CEP250: variants seen among roughly 807,000 people sequenced by gnomAD.
CEP250 encodes the protein centrosome-associated protein CEP250.
In CEP250, 242 loss-of-function variants were observed where a neutral mutation model predicts 315.7. The ratio of observed to expected loss-of-function variants is 0.77; its 90% CI spans 0.69 to 0.85. The LOEUF is 0.85. Ranked by LOEUF, CEP250 falls within the 40% of genes least tolerant of loss-of-function variation. The probability of loss-of-function intolerance (pLI) is 0.00; values close to 1 mark genes in which losing one functional copy is unlikely to be tolerated. For synonymous variants in CEP250, 1,088 were observed against 1,175.0 expected (o/e 0.93, Z 1.51); for missense variants, 2,515 against 2,886.4 (o/e 0.87, Z 2.95).
chr20:35,497,229 A>G (rs1040914143), intron 25 of CEP250, among the ~76,000 whole-genome samples: 7 of 152,294 alleles, frequency 4.6e-5, no homozygotes, highest in East Asian at 3.9e-4. Flanking sequence ...TGGCTGTTCA[A>G]TGGTCTTGAG....
chr20:35,460,568 G>A (rs576635244), intron 3 of CEP250, among the ~76,000 whole-genome samples: 14 of 152,138 alleles, frequency 9.2e-5, no homozygotes, highest in Admixed American at 1.3e-4. Context: ...TGCACGGAGC[G>A]CGTGCCCTGT....
chr20:35,473,285 G>A (rs962664120), intron 12 of CEP250, 89 bp from the exon 13 acceptor site: 30 of 1,171,648 alleles, frequency 2.6e-5, no homozygotes, highest in African/African-American at 2.5e-4. Flanking sequence ...ACCAGCCCCC[G>A]ACCCCCTTCT....
At chr20:35,508,769 A>G (rs2064269739) in intron 32 of CEP250, among the ~76,000 whole-genome samples, 174 bp from the exon 33 acceptor site, 1 of 152,102 alleles carries the variant, frequency 6.6e-6, no homozygotes, top group African/African-American at 2.4e-5. Flanking sequence ...CTTCAGGAGC[A>G]CTTCTTTGCA....
intron 2 of CEP250, among the ~76,000 whole-genome samples, chr20:35,458,930 C>A (rs1210946149): frequency 6.7e-6 from 1 of 149,726 alleles, no homozygotes; most frequent in Admixed American, 6.6e-5. Flanking sequence ...CACCCAGTCT[C>A]CCCTTTTAGT....
At chr20:35,468,054 C>T (rs2062935250) in intron 9 of CEP250, among the ~76,000 whole-genome samples, 1 of 150,586 alleles carries the variant, frequency 6.6e-6, no homozygotes, top group South Asian at 2.1e-4. Flanking sequence ...AAGTGACTCC[C>T]CTGCCTCAGC....
Position 35,500,177 on chromosome 20 carries a change from G to A in CEP250, c.3898+8G>A. The A allele has an allele frequency of 6.2e-7, 1 of 1,613,396 alleles. No homozygotes were observed. On this transcript the variant is annotated splice_region_variant and intron_variant, in intron 28 of 34. Coordinates refer to ENST00000397527, the MANE Select transcript of CEP250 (RefSeq NM_007186.6). ...TCTCCCAGAATCAGGAAGGTGAGAAGCTCAAGACAGGCAGGGAGATTGAGA... is the reference window on the plus strand; with the variant it reads ...TCTCCCAGAATCAGGAAGGTGAGAAACTCAAGACAGGCAGGGAGATTGAGA...
rs763218874 is a variant in CEP250, at chr20:35,503,480, A to G, written c.5111A>G (p.Gln1704Arg). Residue 1704 changes from glutamine to arginine, a missense_variant, in exon 30 of 35, where the codon CAG (glutamine) becomes CGG (arginine). Transcript: ENST00000397527. The surrounding 1 kb of genome is among the most constrained non-coding windows in gnomAD (Gnocchi z 4.2). Reference sequence around the variant, plus strand: ...GGCCGGGAGCTGACCACTCAGAGGCAGCTGATGCAGGAACGGGCAGAGGAA... The same window carrying G: ...GGCCGGGAGCTGACCACTCAGAGGCGGCTGATGCAGGAACGGGCAGAGGAA... ...ERGRELTTQR[Q>R]LMQERAEEGK... 4.3e-6 allele frequency: 7 copies of G among 1,614,166 alleles called. No individual in the cohort carries two copies. In the South Asian group the frequency reaches 5.5e-5, roughly 13 times the overall value.
At chr20:35,481,826 C>T (rs1444633227) in intron 20 of CEP250, among the ~76,000 whole-genome samples, 2 of 152,122 alleles carry the variant, frequency 1.3e-5, no homozygotes. Context: ...CCTCAGCCTC[C>T]CAAGTAGCTG....
chr20:35,494,378 G>A, intron 23 of CEP250, 146 bp from the exon 24 acceptor site: 1 of 1,034,270 alleles, frequency 9.7e-7, no homozygotes, highest in Non-Finnish European at 1.4e-6. Flanking sequence ...TAAGAACAGT[G>A]TGTAGGAATT....
At position 35,478,118 on chromosome 20, in the gene CEP250, G is replaced by T. The variant is rs990418163; in HGVS notation, c.2094+17G>T. The T allele has an allele frequency of 3.3e-6, 5 of 1,521,264 alleles. No individual in the cohort carries two copies. The highest frequency in any genetic ancestry group is 4.6e-6 in the Non-Finnish European group (5 of 1,096,988). The allele number at this position is 1,521,264 out of a possible 1,614,324, so 94.2% of individuals were successfully genotyped here. A position where few individuals can be genotyped will look rare whatever the true frequency, so the allele number is the denominator to read the frequency against. On this transcript the variant is annotated intron_variant, in intron 17 of 34. Transcript: ENST00000397527. ...CTAAGTGAGGTGAGAAGCCAAAATG[G>T]ACACCATCATGTCTAGGTGTAATAT...
rs2146801367 is a variant in CEP250, at chr20:35,473,995, G to A, written c.1514G>A (p.Gly505Asp). The change falls in exon 14 of 35, where the codon GGC (glycine) becomes GAC (aspartate). Residue 505 changes from glycine to aspartate, a missense_variant. Coordinates refer to ENST00000397527, the MANE Select transcript of CEP250 (RefSeq NM_007186.6). The stretch of plus-strand genomic sequence containing the variant: ...CAGCTGCAGGGGGACTCTGCCCAGG[G>A]CCAGAAGGAGGAACAGCAGGAGGAG... ...ELQLQGDSAQ[G>D]QKEEQQEELH... is the part of the protein sequence containing the mutation. 5 of 1,603,782 alleles carry A rather than the reference G, an allele frequency of 3.1e-6. No homozygotes were observed. The highest frequency in any genetic ancestry group is 3.4e-6 in the Non-Finnish European group (4 of 1,176,680).
At chr20:35,458,647 A>G (rs1056404160) in intron 2 of CEP250, among the ~76,000 whole-genome samples, 2 of 152,116 alleles carry the variant, frequency 1.3e-5, no homozygotes, top group African/African-American at 4.8e-5. Flanking sequence ...GGGCTCTGCT[A>G]GTTTATTCCT....
chr20:35,502,431 A>G lies in CEP250; in HGVS notation c.4062A>G (p.Thr1354=). Residue 1354 remains threonine, a synonymous_variant, in exon 30 of 35, where the codon ACA becomes ACG. Transcript: ENST00000397527. ...TTCAGGCAGCCAAGGAGAACCTGACAGCCCAGGTGGAACACCTGCAAGCAG... is the reference window on the plus strand; with the variant it reads ...TTCAGGCAGCCAAGGAGAACCTGACGGCCCAGGTGGAACACCTGCAAGCAG... ...ELLQAAKENL[T]AQVEHLQAAV... 6.2e-7 allele frequency: 1 copy of G among 1,613,970 alleles called. No homozygotes were observed.
chr20:35,506,407 C>A (rs2064185845), intron 30 of CEP250, among the ~76,000 whole-genome samples: 1 of 152,182 alleles, frequency 6.6e-6, no homozygotes, highest in South Asian at 2.1e-4. Context: ...AGGTCAAGCA[C>A]CGTGTCTTAG....
At chr20:35,498,404 G>A (rs1017448021) in intron 26 of CEP250, among the ~76,000 whole-genome samples, 191 bp from the exon 27 acceptor site, 3 of 152,162 alleles carry the variant, frequency 2.0e-5, no homozygotes, top group African/African-American at 7.2e-5. Flanking sequence ...GTGATAGCTC[G>A]CATTAATCTA....
rs1476360693 is a variant in CEP250, at chr20:35,508,049, G to C, written c.6765G>C (p.Glu2255Asp). Residue 2255 changes from glutamate to aspartate, a missense_variant, in exon 32 of 35, where the codon GAG becomes GAC. Transcript: ENST00000397527. Reference protein sequence around the residue: ...GVQLGEVSGVEAEPSPDGMEK... With the variant: ...GVQLGEVSGVDAEPSPDGMEK... Reference sequence around the variant, plus strand: ...CTTTCCCACAGGTCTCAGGAGTGGAGGCTGAGCCTAGTCCTGATGGAATGG... The same window carrying C: ...CTTTCCCACAGGTCTCAGGAGTGGACGCTGAGCCTAGTCCTGATGGAATGG... 6.2e-7 allele frequency: 1 copy of C among 1,614,200 alleles called. No individual in the cohort carries two copies. Among genetic ancestry groups the C allele is most frequent in the Non-Finnish European group, 8.5e-7 (1 of 1,180,034 alleles).
intron 33 of CEP250, 85 bp from the exon 34 acceptor site, chr20:35,509,913 T>C: frequency 1.6e-6 from 2 of 1,218,766 alleles, no homozygotes; most frequent in Non-Finnish European, 2.4e-6. Context: ...GCCCCTAAGA[T>C]TGTGATGAGG....
Position 35,479,087 on chromosome 20 carries a change from A to G in CEP250, c.2095-144A>G, listed in dbSNP as rs2063261714. 1.5e-5 allele frequency: 11 copies of G among 734,342 alleles called. No individual in the cohort carries two copies. The East Asian group carries it at 3.0e-4, about 20-fold the overall frequency. 45.5% of individuals were successfully genotyped at this position (734,342 alleles called of 1,614,324 possible). A position where few individuals can be genotyped will look rare whatever the true frequency, so the allele number is the denominator to read the frequency against. On this transcript the variant is annotated intron_variant, in intron 17 of 34. Coordinates refer to ENST00000397527, the MANE Select transcript of CEP250 (RefSeq NM_007186.6). ...CTGTGGGCGGATCAGGGAAATAGAT[A>G]AATGCCACGTGCTATTGGGTAAGCA...
rs144821998 is a variant in CEP250, at chr20:35,470,224, A to G, written c.948+238A>G. On this transcript the variant is annotated intron_variant, in intron 10 of 34. Coordinates refer to ENST00000397527, the MANE Select transcript of CEP250 (RefSeq NM_007186.6). ...CTGGGGAAATTGCAATGGCATATGT[A>G]TGCAGTGTGTCCTTACCAGAGAATT... is the stretch of plus-strand genomic sequence containing the variant. The G allele has an allele frequency of 7.3e-3, 4,195 of 575,118 alleles. 147 individuals are homozygous for G. In the Admixed American group the frequency reaches 0.076, roughly 10 times the overall value. The allele number at this position is 575,118 out of a possible 1,614,324, so 35.6% of individuals were successfully genotyped here.
Sources: allele counts gnomAD v4.1 joint callset (sites outside exome capture counted in the v4.1 genomes callset), GRCh38; gene constraint gnomAD v4.1.1; non-coding constraint Gnocchi (gnomAD v3.1); transcripts MANE v1.5; gene names NCBI Gene and HGNC (gene_info 2026-07-23, HGNC 2026-07-21).